The following PRKAR2A variants were observed in gnomAD, a reference collection of about 807,000 sequenced individuals.
The protein encoded by PRKAR2A is protein kinase cAMP-dependent type II regulatory subunit alpha.
Under a neutral mutation model 51.9 loss-of-function variants are expected in PRKAR2A, and 29 were observed. The ratio of observed to expected loss-of-function variants is 0.56; its 90% CI spans 0.42 to 0.76. The LOEUF (loss-of-function observed/expected upper bound fraction) is 0.76, where lower values mean the gene tolerates loss of function less well. PRKAR2A is among the 30% of genes least tolerant of loss of function. The probability of loss-of-function intolerance (pLI) is 0.00; values close to 1 mark genes in which losing one functional copy is unlikely to be tolerated. For missense variants in PRKAR2A, 445 were observed against 512.1 expected, an observed-to-expected ratio of 0.87 and a Z score of 1.26; for synonymous variants, 178 against 186.2, an observed-to-expected ratio of 0.96 and a Z score of 0.36.
chr3:48,785,872 T>C (rs980856985), intron 4 of PRKAR2A, among the ~76,000 whole-genome samples: 11 of 152,196 alleles, frequency 7.2e-5, no homozygotes, highest in Admixed American at 2.6e-4. Flanking sequence ...TGTTAACAAC[T>C]GGCCAGTCTA....
chr3:48,836,419 T>TAAAATAAAAAA (rs1398288509), intron 1 of PRKAR2A, among the ~76,000 whole-genome samples: 1 of 56,136 alleles, frequency 1.8e-5, no homozygotes, highest in African/African-American at 9.0e-5. Context: ...AGACTCCGTC[T>TAAAATAAAAAA]AAAAAAAAAA....
At chr3:48,843,021 T>G (rs919096276) in intron 1 of PRKAR2A, among the ~76,000 whole-genome samples, 2 of 152,222 alleles carry the variant, frequency 1.3e-5, no homozygotes, top group Admixed American at 6.5e-5. Context: ...CTGGTAGAAT[T>G]TGGCTGTGAA....
chr3:48,764,224 C>T (rs987162788), intron 8 of PRKAR2A, among the ~76,000 whole-genome samples: 14 of 152,086 alleles, frequency 9.2e-5, no homozygotes, highest in African/African-American at 2.4e-4. Flanking sequence ...ACAAACACAG[C>T]GGACAAAGAA....
intron 3 of PRKAR2A, among the ~76,000 whole-genome samples, chr3:48,793,344 C>T (rs879852492): frequency 6.6e-6 from 1 of 152,140 alleles, no homozygotes; most frequent in African/African-American, 2.4e-5. Flanking sequence ...TGTACATCCT[C>T]AGGAAGGATC....
intron 1 of PRKAR2A, among the ~76,000 whole-genome samples, chr3:48,818,798 A>C (rs574097993): frequency 6.6e-6 from 1 of 152,140 alleles, no homozygotes; most frequent in South Asian, 2.1e-4. Flanking sequence ...TCACAAATTC[A>C]ATAAGGGTAG....
At chr3:48,838,932 C>T (rs922552521) in intron 1 of PRKAR2A, among the ~76,000 whole-genome samples, 10 of 149,108 alleles carry the variant, frequency 6.7e-5, no homozygotes, top group Non-Finnish European at 1.3e-4. Context: ...TGCAGTCAGC[C>T]GAGATCGCGC....
Position 48,751,491 on chromosome 3 carries a change from G to A in PRKAR2A, c.*94C>T, listed in dbSNP as rs1195164217. ...AATGGCAGCAGTGGCGGCAACGGCA[G>A]GAACAGTTCTGTCATGTCTGTTTTC... On this transcript the variant is annotated 3_prime_UTR_variant, in exon 11 of 11. Transcript: ENST00000265563. The A allele has an allele frequency of 8.4e-6, 13 of 1,555,392 alleles. No individual in the cohort carries two copies. The highest frequency in any genetic ancestry group is 1.1e-5 in the Non-Finnish European group (13 of 1,138,012).
intron 1 of PRKAR2A, among the ~76,000 whole-genome samples, chr3:48,829,847 G>GTGTGTATA (rs777532795): frequency 1.9e-3 from 118 of 63,752 alleles, no homozygotes; most frequent in African/African-American, 4.1e-3. Context: ...ATGCGTGTGT[G>GTGTGTATA]TATATATATA....
chr3:48,790,027 T>C (rs1433997986), intron 4 of PRKAR2A, among the ~76,000 whole-genome samples: 1 of 152,118 alleles, frequency 6.6e-6, no homozygotes, highest in African/African-American at 2.4e-5. Flanking sequence ...CATATCCGAA[T>C]TGCCAGCATT....
intron 2 of PRKAR2A, among the ~76,000 whole-genome samples, chr3:48,795,927 T>C (rs374933473): frequency 6.6e-6 from 1 of 152,186 alleles, no homozygotes; most frequent in South Asian, 2.1e-4. Context: ...GATACAAATA[T>C]GGACTGGAGG....
intron 1 of PRKAR2A, among the ~76,000 whole-genome samples, chr3:48,809,378 G>A (rs1446797024): frequency 6.6e-6 from 1 of 151,700 alleles, no homozygotes; most frequent in Non-Finnish European, 1.5e-5. Context: ...ATCATTTGAG[G>A]TCAGAAGTTC....
In PRKAR2A at chr3:48,773,015, C is replaced by T. The variant is rs1376218502; in HGVS notation, c.636G>A (p.Met212Ile). The change falls in exon 6 of 11, where the codon ATG (methionine) becomes ATA (isoleucine). Residue 212 changes from methionine to isoleucine, a missense_variant. Transcript: ENST00000265563. The stretch of plus-strand genomic sequence containing the variant: ...TGGTAGCAGCTCTCGGGGTGTTGTA[C>T]ATCAGAGCTAGTTCTCCAAAACTGC... ...NRGSFGELAL[M>I]YNTPRAATIV... 2 of 1,613,908 alleles carry T rather than the reference C, an allele frequency of 1.2e-6. No homozygotes were observed. The highest frequency in any genetic ancestry group is 1.7e-6 in the Non-Finnish European group (2 of 1,179,872).
intron 1 of PRKAR2A, among the ~76,000 whole-genome samples, chr3:48,836,875 T>C (rs999726697): frequency 6.6e-6 from 1 of 151,930 alleles, no homozygotes; most frequent in African/African-American, 2.4e-5. Context: ...CTCACATCTG[T>C]AATCCCAGCA....
intron 1 of PRKAR2A, among the ~76,000 whole-genome samples, chr3:48,815,098 G>C (rs1276995887): frequency 3.9e-5 from 6 of 151,946 alleles, no homozygotes; most frequent in Non-Finnish European, 7.4e-5. Context: ...ATTTTCAGTA[G>C]AGACAGGGTT....
intron 2 of PRKAR2A, among the ~76,000 whole-genome samples, 174 bp from the exon 3 acceptor site, chr3:48,794,223 C>A (rs1399380035): frequency 6.6e-6 from 1 of 150,906 alleles, no homozygotes; most frequent in Non-Finnish European, 1.5e-5. Flanking sequence ...ACAATCTCGG[C>A]TCGCTGCAAC....
At chr3:48,837,954 G>A (rs777309336) in intron 1 of PRKAR2A, among the ~76,000 whole-genome samples, 36 of 151,534 alleles carry the variant, frequency 2.4e-4, no homozygotes, top group Non-Finnish European at 3.8e-4. Context: ...TGAGGCAGGC[G>A]GATCACAAGG....
At chr3:48,827,044 A>G (rs2083079997) in intron 1 of PRKAR2A, among the ~76,000 whole-genome samples, 2 of 152,316 alleles carry the variant, frequency 1.3e-5, no homozygotes, top group African/African-American at 2.4e-5. Context: ...AGGATTTCAG[A>G]TACCACTTAT....
intron 8 of PRKAR2A, among the ~76,000 whole-genome samples, chr3:48,760,712 G>A (rs1415241266): frequency 6.6e-6 from 1 of 150,956 alleles, no homozygotes; most frequent in Admixed American, 6.7e-5. Context: ...GTGCATGCCT[G>A]TAATCCCAGC....
chr3:48,766,780 G>A (rs1368685209), intron 6 of PRKAR2A, among the ~76,000 whole-genome samples: 1 of 152,098 alleles, frequency 6.6e-6, no homozygotes, highest in Non-Finnish European at 1.5e-5. Flanking sequence ...GGAGAGACAC[G>A]GGAGGAATAC....
Sources: allele counts gnomAD v4.1 joint callset (sites outside exome capture counted in the v4.1 genomes callset), GRCh38; gene constraint gnomAD v4.1.1; transcripts MANE v1.5; gene names NCBI Gene and HGNC (gene_info 2026-07-23, HGNC 2026-07-21).